TSC2: variants seen among roughly 807,000 people sequenced by gnomAD.
The protein encoded by TSC2 is tuberin.
In TSC2, 29 loss-of-function variants were observed where a neutral mutation model predicts 202.2. The observed-to-expected ratio is 0.14, with a 90% confidence interval of 0.11 to 0.20. The LOEUF is 0.20. Ranked by LOEUF, TSC2 falls within the 10% of genes least tolerant of loss-of-function variation. The pLI, the probability that TSC2 is intolerant of heterozygous loss-of-function variation, is 1.00. For synonymous variants in TSC2, 1,349 were observed against 1,044.0 expected (o/e 1.29, Z -5.63); for missense variants, 2,429 against 2,420.0 (o/e 1.00, Z -0.08).
At chr16:2,074,170 G>T (rs1157013192) in intron 21 of TSC2, 30 bp from the exon 22 acceptor site, 2 of 1,609,628 alleles carry the variant, frequency 1.2e-6, no homozygotes, top group Non-Finnish European at 1.7e-6. Flanking sequence ...CTGCAAGCGG[G>T]TGGGGCCTGA....
chr16:2,065,943 G>A (rs2087291445), intron 16 of TSC2, among the ~76,000 whole-genome samples: 1 of 152,208 alleles, frequency 6.6e-6, no homozygotes, highest in South Asian at 2.1e-4. Flanking sequence ...GGAAGTAAGG[G>A]TGGCCCTCCA....
At chr16:2,081,322 C>G (rs2090118560) in intron 30 of TSC2, 2 of 518,024 alleles carry the variant, frequency 3.9e-6, no homozygotes, top group Middle Eastern at 5.4e-4. Context: ...GGGGTTCCAG[C>G]CCTCGTGGAG....
At chr16:2,077,552 G>A in intron 25 of TSC2, 46 bp from the exon 26 acceptor site, 1 of 1,611,232 alleles carries the variant, frequency 6.2e-7, no homozygotes, top group Non-Finnish European at 8.5e-7. Context: ...CCCCTTCCCG[G>A]GAGCTGGGCT....
chr16:2,066,651 CTTTTTTTTTTTTTT>C (rs34619573), intron 16 of TSC2, among the ~76,000 whole-genome samples: 2 of 98,484 alleles, frequency 2.0e-5, no homozygotes, highest in African/African-American at 3.8e-5. Context: ...TCTGATTTAT[CTTTTTTTTTTTTTT>C]TTTTTTTTTT....
At position 2,048,348 on chromosome 16, in the gene TSC2, C is replaced by T. The variant is rs2233516; in HGVS notation, c.-29-239C>T. On this transcript the variant is annotated intron_variant, in intron 1 of 41. Coordinates refer to ENST00000219476, the MANE Select transcript of TSC2 (RefSeq NM_000548.5). ...GTCCTAACCCGTGCACTGAGTCGGG[C>T]GGGGCGGGCGGCAGCGTCTGAGTAG... The T allele has an allele frequency of 4.7e-4, 414 of 886,654 alleles. 4 individuals are homozygous for T. The African/African-American group carries it at 6.3e-3, about 13-fold the overall frequency. 54.9% of individuals were successfully genotyped at this position (886,654 alleles called of 1,614,324 possible). A position where few individuals can be genotyped will look rare whatever the true frequency, so the allele number is the denominator to read the frequency against.
Position 2,076,140 on chromosome 16 carries a change from C to G in TSC2, c.2712C>G (p.Phe904Leu), listed in dbSNP as rs137920189. The change falls in exon 24 of 42, where the codon TTC becomes TTG. Residue 904 changes from phenylalanine to leucine, a missense_variant. Physicochemically the swap from Phe to Leu is conservative, Grantham distance 22. Coordinates refer to ENST00000219476, the MANE Select transcript of TSC2 (RefSeq NM_000548.5). ...GGTTCATCAGGTGCCGCCTGCCCTT[C>G]CGGAAGGATTTTGTCCCTTTCATCA... ...AMWFIRCRLP[F>L]RKDFVPFITK... 255 of 1,613,750 alleles carry G rather than the reference C, an allele frequency of 1.6e-4. No individual in the cohort carries two copies. The highest frequency in any genetic ancestry group is 2.1e-4 in the Non-Finnish European group (242 of 1,180,036).
chr16:2,062,766 G>A, intron 13 of TSC2, 166 bp downstream of exon 13: 2 of 920,532 alleles, frequency 2.2e-6, no homozygotes, highest in Non-Finnish European at 1.7e-6. Flanking sequence ...TTCCAGTCCA[G>A]CAGGACAGGT....
In TSC2 at chr16:2,079,241, C is replaced by A. The variant is rs528711579; in HGVS notation, c.3132-35C>A. The stretch of plus-strand genomic sequence containing the variant: ...GCTGGGCGGGCCTGCGGGAGCTCCA[C>A]GGGCAAGCTGGGTTTCACGCTCCCT... On this transcript the variant is annotated intron_variant, in intron 27 of 41. Transcript: ENST00000219476. The surrounding 1 kb of genome is among the most constrained non-coding windows in gnomAD (Gnocchi z 4.6). 1 of 1,612,960 alleles carries A rather than the reference C, an allele frequency of 6.2e-7. No homozygotes were observed. Among genetic ancestry groups the A allele is most frequent in the Non-Finnish European group, 8.5e-7 (1 of 1,180,028 alleles).
chr16:2,059,894 C>T (rs936765941), intron 10 of TSC2, among the ~76,000 whole-genome samples: 1 of 152,166 alleles, frequency 6.6e-6, no homozygotes, highest in African/African-American at 2.4e-5. Flanking sequence ...CTCCTGACCT[C>T]AGGTGATCCA....
chr16:2,086,687 C>G (rs2151582302), intron 37 of TSC2, 45 bp from the exon 38 acceptor site: 1 of 1,604,288 alleles, frequency 6.2e-7, no homozygotes, highest in Non-Finnish European at 8.5e-7. Flanking sequence ...CACAGAGGGC[C>G]TCAGCACTGG....
intron 16 of TSC2, among the ~76,000 whole-genome samples, chr16:2,066,683 TCTCA>T (rs1290408820): frequency 3.6e-5 from 5 of 139,196 alleles, no homozygotes; most frequent in Non-Finnish European, 6.2e-5. Context: ...TTTGATACAG[TCTCA>T]CTCTGTCGCC....
rs762320484 is a variant in TSC2 at position 2,088,447 on chromosome 16, T to G, written c.5261T>G (p.Ile1754Ser). 7.4e-6 allele frequency: 12 copies of G among 1,612,762 alleles called. No individual in the cohort carries two copies. The highest frequency in any genetic ancestry group is 1.0e-5 in the Non-Finnish European group (12 of 1,180,006). The change falls in exon 42 of 42, where the codon ATC becomes AGC. Residue 1754 changes from isoleucine to serine, a missense_variant and splice_region_variant. Transcript: ENST00000219476. ...TGCCCAAGCCGCCTCTGCCTTCAGA[T>G]CTGCGAGGAAGCCGCCTACTCCAAC... ...LRHIKRLRQR[I>S]CEEAAYSNPS...
In TSC2 at chr16:2,084,699, C is replaced by G. The variant is rs878854108; in HGVS notation, c.4477C>G (p.Pro1493Ala). 1 of 1,598,552 alleles carries G rather than the reference C, an allele frequency of 6.3e-7. No homozygotes were observed. The highest frequency in any genetic ancestry group is 1.3e-5 in the African/African-American group (1 of 75,046). ...CACAGCCTCCAATGCAGAGAAAGTG[C>G]CAGGCATCAACCCCAGGTGGGCCTC... ...RATASNAEKV[P>A]GINPSFVFLQ... Residue 1493 changes from proline to alanine, a missense_variant, in exon 34 of 42, where the codon CCA (proline) becomes GCA (alanine). Transcript: ENST00000219476.
intron 3 of TSC2, among the ~76,000 whole-genome samples, chr16:2,051,157 G>T (rs1397602659): frequency 2.0e-5 from 3 of 151,802 alleles, no homozygotes; most frequent in Non-Finnish European, 4.4e-5. Flanking sequence ...AACCCCGTCT[G>T]TACTAAAAGA....
chr16:2,049,810 G>C (rs1293421842), intron 2 of TSC2, among the ~76,000 whole-genome samples: 3 of 151,744 alleles, frequency 2.0e-5, no homozygotes, highest in Non-Finnish European at 4.4e-5. Context: ...GGGAAGAAGA[G>C]CAAAACTCCG....
Position 2,072,459 on chromosome 16 carries a change from G to A in TSC2, c.2220+96G>A, listed in dbSNP as rs112811071. On this transcript the variant is annotated intron_variant, in intron 20 of 41. Coordinates refer to ENST00000219476, the MANE Select transcript of TSC2 (RefSeq NM_000548.5). ...GGGCAGAGCGAGTGAGACCCTTCGG[G>A]CTCGGGCTCCATTTCCCTCAAACTC... is the stretch of plus-strand genomic sequence containing the variant. 4.5e-6 allele frequency: 7 copies of A among 1,547,988 alleles called. No individual in the cohort carries two copies. The African/African-American group carries it at 5.4e-5, about 12-fold the overall frequency.
chr16:2,080,912 C>T (rs2090065951), intron 30 of TSC2: 1 of 169,716 alleles, frequency 5.9e-6, no homozygotes, highest in Non-Finnish European at 1.3e-5. Context: ...CGCCTGGAGG[C>T]TGCAAGTCCG....
At position 2,082,055 on chromosome 16, in the gene TSC2, G is replaced by A; in HGVS notation, c.3814+257G>A. 3 of 620,452 alleles carry A rather than the reference G, an allele frequency of 4.8e-6. No individual in the cohort carries two copies. The Admixed American group carries it at 7.9e-5, about 16-fold the overall frequency. The allele number at this position is 620,452 out of a possible 1,614,324, so 38.4% of individuals were successfully genotyped here. A position where few individuals can be genotyped will look rare whatever the true frequency, so the allele number is the denominator to read the frequency against. ...AGCCTCTGCCCAGCATCCTCCGTGG[G>A]GAGTCCAGCACTGCGGGCTCCAGGA... On this transcript the variant is annotated intron_variant, in intron 31 of 41. Coordinates refer to ENST00000219476, the MANE Select transcript of TSC2 (RefSeq NM_000548.5).
At position 2,084,535 on chromosome 16, in the gene TSC2, G is replaced by A. The variant is rs45448791; in HGVS notation, c.4313G>A (p.Arg1438Gln). 16 of 1,609,372 alleles carry A rather than the reference G, an allele frequency of 9.9e-6. No homozygotes were observed. The highest frequency in any genetic ancestry group is 1.7e-4 in the Middle Eastern group (1 of 6,060). ...AAWSASGEDS[R>Q]GQPEGPLPSS... Reference sequence around the variant, plus strand: ...TGGTCGGCCTCGGGCGAAGACAGTCGGGGCCAGCCCGAGGGTCCCTTGCCT... The same window carrying A: ...TGGTCGGCCTCGGGCGAAGACAGTCAGGGCCAGCCCGAGGGTCCCTTGCCT... Residue 1438 changes from arginine (R) to glutamine (Q), a missense_variant, in exon 34 of 42, where the codon CGG (arginine) becomes CAG (glutamine). By Grantham distance (43) the Arg-to-Gln change is conservative. Coordinates refer to ENST00000219476, the MANE Select transcript of TSC2 (RefSeq NM_000548.5).
Sources: gnomAD v4.1 joint callset for allele counts (sites outside exome capture counted in the v4.1 genomes callset) on GRCh38, gnomAD v4.1.1 for gene constraint, Gnocchi (gnomAD v3.1) non-coding constraint, MANE v1.5 for transcripts, NCBI Gene and HGNC (gene_info 2026-07-23, HGNC 2026-07-21) for gene names.